RCN3: variants seen among roughly 807,000 people sequenced by gnomAD.
The protein encoded by RCN3 is reticulocalbin-3.
Under a neutral mutation model 35.9 loss-of-function variants are expected in RCN3, and 41 were observed. The observed-to-expected ratio is 1.14, with a 90% CI of 0.89 to 1.48. The LOEUF (loss-of-function observed/expected upper bound fraction) is 1.48, where lower values mean the gene tolerates loss of function less well. Ranked by LOEUF, RCN3 falls within the 40% of genes most tolerant of loss-of-function variation. RCN3 has a pLI of 0.00. For missense variants in RCN3, 451 were observed against 471.3 expected (o/e 0.96, Z 0.40); for synonymous variants, 187 against 193.4 (o/e 0.97, Z 0.27).
chr19:49,542,865 A>G, intron 6 of RCN3, 113 bp downstream of exon 6: 1 of 1,058,156 alleles, frequency 9.5e-7, no homozygotes, highest in Non-Finnish European at 1.3e-6. Flanking sequence ...GGTGGGATAA[A>G]AAAAGAGGGA....
At chr19:49,534,027 G>A (rs2080121796) in intron 2 of RCN3, among the ~76,000 whole-genome samples, 166 bp from the exon 3 acceptor site, 1 of 152,132 alleles carries the variant, frequency 6.6e-6, no homozygotes, top group Non-Finnish European at 1.5e-5. Context: ...GGGTCCTCCG[G>A]TGGGCTTGGT....
chr19:49,542,106 C>A (rs955017340), intron 5 of RCN3, among the ~76,000 whole-genome samples: 3 of 151,972 alleles, frequency 2.0e-5, no homozygotes, highest in African/African-American at 7.3e-5. Flanking sequence ...GCTATGTTGC[C>A]CAGGTTGGTC....
At chr19:49,532,198 C>T (rs1354782608) in intron 2 of RCN3, among the ~76,000 whole-genome samples, 4 of 142,838 alleles carry the variant, frequency 2.8e-5, no homozygotes, top group African/African-American at 7.9e-5. Context: ...CTGCGCCTCC[C>T]AGGTTCACGC....
chr19:49,535,893 G>GAT (rs1385432247), intron 3 of RCN3, among the ~76,000 whole-genome samples: 2 of 147,646 alleles, frequency 1.4e-5, no homozygotes, highest in African/African-American at 5.0e-5. Context: ...TAGATAGATA[G>GAT]ATAGATATAG....
At chr19:49,533,980 T>C (rs1418115095) in intron 2 of RCN3, among the ~76,000 whole-genome samples, 7 of 151,870 alleles carry the variant, frequency 4.6e-5, no homozygotes, top group Admixed American at 4.6e-4. Context: ...GAGAAGGGCG[T>C]GACTCGACCT....
intron 5 of RCN3, among the ~76,000 whole-genome samples, chr19:49,542,059 C>CAA (rs56896990): frequency 5.8e-4 from 67 of 116,432 alleles, no homozygotes; most frequent in African/African-American, 1.8e-3. Context: ...GACTCCATCT[C>CAA]AAAAAAAAAA....
Position 49,534,379 on chromosome 19 carries a change from T to C in RCN3, c.429T>C (p.Tyr143=). The change falls in exon 3 of 7, where the codon TAT becomes TAC. Residue 143 remains tyrosine, a synonymous_variant. Transcript: ENST00000270645. ...VGWEELRNAT[Y]GHYAPGEEFH... is the part of the protein sequence containing the mutation. ...GGGAGGAGCTGCGCAACGCCACCTATGGCCACTACGCGCCCGGTACGCGGC... is the reference window on the plus strand; with the variant it reads ...GGGAGGAGCTGCGCAACGCCACCTACGGCCACTACGCGCCCGGTACGCGGC... 2 of 1,539,372 alleles carry C rather than the reference T, an allele frequency of 1.3e-6. No homozygotes were observed. Among genetic ancestry groups the C allele is most frequent in the African/African-American group, 1.4e-5 (1 of 71,950 alleles).
Position 49,537,091 on chromosome 19 carries a change from C to T in RCN3, c.504C>T (p.Asp168=), listed in dbSNP as rs141528253. ...AETYKKMLAR[D]ERRFRVADQD... is the part of the protein sequence containing the mutation. ...CCTACAAAAAGATGCTGGCTCGGGACGAGCGGCGTTTCCGGGTGGCCGACC... is the reference window on the plus strand; with the variant it reads ...CCTACAAAAAGATGCTGGCTCGGGATGAGCGGCGTTTCCGGGTGGCCGACC... The change falls in exon 4 of 7, where the codon GAC becomes GAT. Residue 168 remains aspartate, a synonymous_variant. Coordinates refer to ENST00000270645, the MANE Select transcript of RCN3 (RefSeq NM_020650.3). The T allele has an allele frequency of 4.2e-3, 6,704 of 1,595,492 alleles. 29 individuals are homozygous for T. The highest frequency in any genetic ancestry group is 5.1e-3 in the Non-Finnish European group (5,922 of 1,169,874).
chr19:49,528,268 G>A, intron 1 of RCN3, 199 bp from the exon 2 acceptor site: 1 of 494,884 alleles, frequency 2.0e-6, no homozygotes, highest in East Asian at 3.1e-5. Context: ...AGAAGATTCG[G>A]TCCTCCCCAT....
At chr19:49,538,747 A>C (rs1037462290) in intron 4 of RCN3, among the ~76,000 whole-genome samples, 7 of 152,158 alleles carry the variant, frequency 4.6e-5, no homozygotes, top group African/African-American at 1.4e-4. Flanking sequence ...TTCACACATA[A>C]AGCAGAGGTA....
chr19:49,528,073 T>TG lies in RCN3; in HGVS notation c.-7+21dup, dbSNP rs1050246922. 2.1e-5 allele frequency: 4 copies of TG among 189,344 alleles called. No individual in the cohort carries two copies. Among genetic ancestry groups the TG allele is most frequent in the South Asian group, 1.9e-4 (1 of 5,348 alleles). The allele number at this position is 189,344 out of a possible 1,614,324, so 11.7% of individuals were successfully genotyped here. ...TGGATAACAGGGTAAAGGGAGTGGGTGGGGGGCCTCTGTCCAGGGAGGGCG... is the reference window on the plus strand; with the variant it reads ...TGGATAACAGGGTAAAGGGAGTGGGTGGGGGGGCCTCTGTCCAGGGAGGGCG... On this transcript the variant is annotated intron_variant, in intron 1 of 6. Transcript: ENST00000270645.
At chr19:49,535,351 AC>A (rs148526304) in intron 3 of RCN3, among the ~76,000 whole-genome samples, 1,559 of 152,270 alleles carry the variant, frequency 0.01, 22 homozygotes, top group East Asian at 0.052. Flanking sequence ...CAAAAGGCCC[AC>A]TGTCAACTCA....
rs2080172752 is a variant in RCN3, at chr19:49,543,269, G to C, written c.*56G>C. The C allele has an allele frequency of 7.2e-7, 1 of 1,394,246 alleles. No individual in the cohort carries two copies. The highest frequency in any genetic ancestry group is 1.4e-5 in the African/African-American group (1 of 70,028). 86.4% of individuals were successfully genotyped at this position (1,394,246 alleles called of 1,614,324 possible). A position where few individuals can be genotyped will look rare whatever the true frequency, so the allele number is the denominator to read the frequency against. Reference sequence around the variant, plus strand: ...CCGCACAATGACCGGAGGAGGGGCCGCTGTGGTCTGGCCCCCTCCCTGTCC... The same window carrying C: ...CCGCACAATGACCGGAGGAGGGGCCCCTGTGGTCTGGCCCCCTCCCTGTCC... On this transcript the variant is annotated 3_prime_UTR_variant, in exon 7 of 7. Coordinates refer to ENST00000270645, the MANE Select transcript of RCN3 (RefSeq NM_020650.3).
At chr19:49,531,306 A>G (rs1257877383) in intron 2 of RCN3, among the ~76,000 whole-genome samples, 2 of 152,120 alleles carry the variant, frequency 1.3e-5, no homozygotes, top group Admixed American at 6.6e-5. Flanking sequence ...GCAACAGAGC[A>G]AGACTTTGTC....
Position 49,530,468 on chromosome 19 carries a change from C to T in RCN3, c.242+1754C>T, listed in dbSNP as rs114918470. Among the ~76,000 whole-genome samples the T allele has an allele frequency of 5.8e-3, 879 of 151,222 alleles. 6 individuals are homozygous for T. Among genetic ancestry groups the T allele is most frequent in the African/African-American group, 0.02 (840 of 41,288 alleles). On this transcript the variant is annotated intron_variant, in intron 2 of 6. Coordinates refer to ENST00000270645, the MANE Select transcript of RCN3 (RefSeq NM_020650.3). ...TTAATGCGTGAGCCACAGCACCCAGCCCAGGCCCAGGTAATTTTTCTTTTT... is the reference window on the plus strand; with the variant it reads ...TTAATGCGTGAGCCACAGCACCCAGTCCAGGCCCAGGTAATTTTTCTTTTT...
At chr19:49,542,406 G>A (rs1476455156) in intron 5 of RCN3, 147 bp from the exon 6 acceptor site, 1 of 580,150 alleles carries the variant, frequency 1.7e-6, no homozygotes, top group Non-Finnish European at 3.1e-6. Context: ...TAATTCCATC[G>A]AAACAGAAGA....
chr19:49,542,781 A>AG (rs757307741), intron 6 of RCN3, 29 bp downstream of exon 6: 2 of 1,550,494 alleles, frequency 1.3e-6, no homozygotes, highest in East Asian at 4.7e-5. Context: ...GGCAGGAGCG[A>AG]GGAGCGGGTG....
intron 2 of RCN3, among the ~76,000 whole-genome samples, chr19:49,532,388 G>C (rs1207444055): frequency 6.7e-6 from 1 of 148,608 alleles, no homozygotes; most frequent in Non-Finnish European, 1.5e-5. Context: ...TTGTTTGTTT[G>C]TTTTTGAGAC....
Position 49,542,569 on chromosome 19 carries a change from C to T in RCN3, c.696C>T (p.Ala232=), listed in dbSNP as rs534668149. 3.8e-5 allele frequency: 61 copies of T among 1,601,640 alleles called. No individual in the cohort carries two copies. The highest frequency in any genetic ancestry group is 5.0e-5 in the Non-Finnish European group (59 of 1,174,940). ...VEEYIADLYS[A]EPGEEEPAWV... Reference sequence around the variant, plus strand: ...GGCCCCCAGCGGATCTGTACTCAGCCGAGCCTGGGGAGGAGGAGCCGGCGT... The same window carrying T: ...GGCCCCCAGCGGATCTGTACTCAGCTGAGCCTGGGGAGGAGGAGCCGGCGT... The change falls in exon 6 of 7, where the codon GCC becomes GCT. Residue 232 remains alanine, a synonymous_variant. Transcript: ENST00000270645.
Sources: allele counts gnomAD v4.1 joint callset (sites outside exome capture counted in the v4.1 genomes callset), GRCh38; gene constraint gnomAD v4.1.1; transcripts MANE v1.5; gene names NCBI Gene and HGNC (gene_info 2026-07-23, HGNC 2026-07-21).